The following BACH1 variants were observed in gnomAD, a reference collection of about 807,000 sequenced individuals.
BACH1 encodes transcription regulator protein BACH1.
BACH1 carries 35 observed loss-of-function variants against 52.9 expected under a neutral mutation model. That is an observed-to-expected ratio of 0.66 (90% CI 0.51 to 0.88). The LOEUF (loss-of-function observed/expected upper bound fraction) is 0.88, where lower values mean the gene tolerates loss of function less well. BACH1 is among the 40% of genes least tolerant of loss of function. The probability of loss-of-function intolerance (pLI) is 0.00; values close to 1 mark genes in which losing one functional copy is unlikely to be tolerated. For synonymous variants in BACH1, 321 were observed against 319.6 expected (o/e 1.00, Z -0.05); for missense variants, 808 against 872.6 (o/e 0.93, Z 0.93).
At chr21:29,320,787 A>G (rs562971578) in intron 1 of BACH1, among the ~76,000 whole-genome samples, 3 of 152,186 alleles carry the variant, frequency 2.0e-5, no homozygotes, top group African/African-American at 2.4e-5. Flanking sequence ...CTGTTTTACT[A>G]TCAGTCTCAT....
intron 1 of BACH1, among the ~76,000 whole-genome samples, chr21:29,317,139 C>T (rs974174445): frequency 1.3e-5 from 2 of 152,206 alleles, no homozygotes; most frequent in African/African-American, 4.8e-5. Flanking sequence ...ATAGGTTGCG[C>T]AGTCCTTATG....
At position 29,327,155 on chromosome 21, in the gene BACH1, A is replaced by G. The variant is rs2088923185; in HGVS notation, c.1331A>G (p.Glu444Gly). The G allele has an allele frequency of 6.2e-7, 1 of 1,614,142 alleles. No individual in the cohort carries two copies. Among genetic ancestry groups the G allele is most frequent in the Admixed American group, 1.7e-5 (1 of 60,012 alleles). Residue 444 changes from glutamate to glycine, a missense_variant, in exon 3 of 5, where the codon GAG (glutamate) becomes GGG (glycine). By Grantham distance (98) the Glu-to-Gly change is moderately conservative. Transcript: ENST00000286800. ...CCGTGGTTAGGTATCAGGATTAGTG[A>G]GAGCCCAGAACCAGGTCAAAGGACT... is the stretch of plus-strand genomic sequence containing the variant. Reference protein sequence around the residue: ...ECPWLGIRISESPEPGQRTFT... With the variant: ...ECPWLGIRISGSPEPGQRTFT...
downstream of BACH1, among the ~76,000 whole-genome samples, chr21:29,349,193 T>C (rs2089188700): frequency 6.6e-6 from 1 of 152,086 alleles, no homozygotes; most frequent in South Asian, 2.1e-4. Context: ...GTTCCCTCCT[T>C]GTGCCTGAAT....
chr21:29,358,618 T>C (rs2089249071), intron 2 of BACH1, among the ~76,000 whole-genome samples: 1 of 151,978 alleles, frequency 6.6e-6, no homozygotes, highest in Admixed American at 6.6e-5. Flanking sequence ...AGGGCGCCTG[T>C]AATCCCAGCT....
At chr21:29,306,474 A>C (rs1186887543) in intron 1 of BACH1, among the ~76,000 whole-genome samples, 2 of 151,640 alleles carry the variant, frequency 1.3e-5, no homozygotes, top group African/African-American at 2.4e-5. Context: ...TCAGCATTGC[A>C]CACAAGCCAG....
chr21:29,306,126 G>A (rs1024029924), intron 1 of BACH1, among the ~76,000 whole-genome samples: 5 of 151,820 alleles, frequency 3.3e-5, no homozygotes, highest in African/African-American at 1.2e-4. Flanking sequence ...TGAATAAGAG[G>A]AGAGAGAAAT....
At chr21:29,340,826 G>C (rs2089102793) in intron 4 of BACH1, among the ~76,000 whole-genome samples, 1 of 152,104 alleles carries the variant, frequency 6.6e-6, no homozygotes, top group Non-Finnish European at 1.5e-5. Flanking sequence ...AGTAGGTACC[G>C]TTCTTGCCCT....
chr21:29,300,651 T>G (rs746985095), intron 1 of BACH1, among the ~76,000 whole-genome samples: 12 of 152,236 alleles, frequency 7.9e-5, no homozygotes, highest in Admixed American at 2.0e-4. Context: ...AAATATTTAC[T>G]ACTCTTACTG....
chr21:29,342,858 A>G lies in BACH1; in HGVS notation c.*25A>G, dbSNP rs2089131555. On this transcript the variant is annotated 3_prime_UTR_variant, in exon 5 of 5. Coordinates refer to ENST00000286800, the MANE Select transcript of BACH1 (RefSeq NM_001186.4). Reference sequence around the variant, plus strand: ...AACTTGCATTCACTTCCTTCAAACCATCTAATTTTCTCCTGAAGTTTTGGC... The same window carrying G: ...AACTTGCATTCACTTCCTTCAAACCGTCTAATTTTCTCCTGAAGTTTTGGC... The G allele has an allele frequency of 1.3e-6, 2 of 1,544,278 alleles. No homozygotes were observed. The highest frequency in any genetic ancestry group is 2.3e-5 in the East Asian group (1 of 44,000).
At chr21:29,324,616 T>C (rs1219856703) in intron 2 of BACH1, among the ~76,000 whole-genome samples, 1 of 148,902 alleles carries the variant, frequency 6.7e-6, no homozygotes, top group Non-Finnish European at 1.5e-5. Flanking sequence ...TTTTACCTAT[T>C]GAAGGAAATC....
At chr21:29,331,805 C>CT (rs1601360127) in intron 4 of BACH1, among the ~76,000 whole-genome samples, 1 of 152,180 alleles carries the variant, frequency 6.6e-6, no homozygotes, top group African/African-American at 2.4e-5. Flanking sequence ...ATCTGAAGAA[C>CT]TTAGAACAAT....
At chr21:29,335,196 T>C (rs2089030358) in intron 4 of BACH1, among the ~76,000 whole-genome samples, 2 of 152,182 alleles carry the variant, frequency 1.3e-5, no homozygotes, top group Non-Finnish European at 2.9e-5. Flanking sequence ...TGGGTAGCTT[T>C]GTGGTCTGGG....
At chr21:29,299,538 G>C (rs1187942702) in intron 1 of BACH1, 1 of 152,296 alleles carries the variant, frequency 6.6e-6, no homozygotes, top group African/African-American at 2.4e-5. Context: ...GGACCGGAGA[G>C]CCCAGGACTC....
rs138981213 is a variant in BACH1, at chr21:29,326,452, A to G, written c.628A>G (p.Met210Val). ...CAGTGCCAGTCAGACATATGAGTCC[A>G]TGTGCTTAGAGAAGGATGCTGCTCT... ...QDSASQTYESMCLEKDAALAL... is the reference protein window; with the variant it reads ...QDSASQTYESVCLEKDAALAL... Residue 210 changes from methionine to valine, a missense_variant, in exon 3 of 5, where the codon ATG becomes GTG. Transcript: ENST00000286800. 7 of 1,614,150 alleles carry G rather than the reference A, an allele frequency of 4.3e-6. No individual in the cohort carries two copies. In the African/African-American group the frequency reaches 5.3e-5, roughly 12 times the overall value.
chr21:29,331,752 T>G (rs144773859), intron 4 of BACH1, among the ~76,000 whole-genome samples: 1 of 152,294 alleles, frequency 6.6e-6, no homozygotes, highest in South Asian at 2.1e-4. Context: ...GTTCCTACTT[T>G]ATAGATTAGG....
chr21:29,324,231 CAAAAAAAAAAAAA>C lies in BACH1; in HGVS notation c.235-1819_235-1807del, dbSNP rs35915821. Among the ~76,000 whole-genome samples, 34 of 63,174 alleles carry C rather than the reference CAAAAAAAAAAAAA, an allele frequency of 5.4e-4. 1 individual carries two copies. In the East Asian group the frequency reaches 0.014, roughly 25 times the overall value. 41.4% of individuals were successfully genotyped at this position (63,174 alleles called of 152,430 possible). On this transcript the variant is annotated intron_variant, in intron 2 of 4. Transcript: ENST00000286800. ...TGGGTGACAGAGAGAGACTCTGCCT[CAAAAAAAAAAAAA>C]AAAAAAAAGGAACTGAACTTGCCAA... is the stretch of plus-strand genomic sequence containing the variant.
Position 29,326,633 on chromosome 21 carries a change from G to T in BACH1, c.809G>T (p.Cys270Phe), listed in dbSNP as rs746048388. 2 of 1,614,238 alleles carry T rather than the reference G, an allele frequency of 1.2e-6. No homozygotes were observed. The highest frequency in any genetic ancestry group is 3.3e-5 in the Admixed American group (2 of 60,034). Residue 270 changes from cysteine (C) to phenylalanine (F), a missense_variant, in exon 3 of 5, where the codon TGT becomes TTT. Cys to Phe is a radical substitution (Grantham distance 205). Coordinates refer to ENST00000286800, the MANE Select transcript of BACH1 (RefSeq NM_001186.4). ...GAATGCCTGGGAGGAGTCCCGGAGT[G>T]TAGAGATTTGCAGGTGATGTTAAAA... ...ENECLGGVPE[C>F]RDLQVMLKCD...
intron 1 of BACH1, among the ~76,000 whole-genome samples, chr21:29,310,005 G>C (rs958596818): frequency 1.3e-5 from 2 of 151,468 alleles, no homozygotes; most frequent in East Asian, 1.9e-4. Context: ...CCTATAGCAG[G>C]GTTCTCTCAT....
At chr21:29,337,737 T>C (rs769541223) in intron 4 of BACH1, among the ~76,000 whole-genome samples, 5 of 151,944 alleles carry the variant, frequency 3.3e-5, no homozygotes, top group Admixed American at 1.3e-4. Context: ...TTAGGAGATA[T>C]ACCTAATGTG....
Sources: gnomAD v4.1 joint callset for allele counts (sites outside exome capture counted in the v4.1 genomes callset) on GRCh38, gnomAD v4.1.1 for gene constraint, MANE v1.5 for transcripts, NCBI Gene and HGNC (gene_info 2026-07-23, HGNC 2026-07-21) for gene names.